Variants in IPO9 observed in about 807,000 individuals in gnomAD.
IPO9 encodes the protein importin 9, also known as importin-9.
Under a neutral mutation model 128.6 loss-of-function variants are expected in IPO9, and 28 were observed. The ratio of observed to expected loss-of-function variants is 0.22; its 90% CI spans 0.16 to 0.30. IPO9 has a LOEUF of 0.30. Ranked by LOEUF, IPO9 falls within the 10% of genes least tolerant of loss-of-function variation. The probability of loss-of-function intolerance (pLI) is 1.00; values close to 1 mark genes in which losing one functional copy is unlikely to be tolerated. For synonymous variants in IPO9, 455 were observed against 475.8 expected (o/e 0.96, Z 0.57); for missense variants, 935 against 1,293.9 (o/e 0.72, Z 4.26).
At chr1:201,841,341 A>T (rs567108858) in intron 1 of IPO9, among the ~76,000 whole-genome samples, 1 of 152,344 alleles carries the variant, frequency 6.6e-6, no homozygotes, top group East Asian at 1.9e-4. Flanking sequence ...TTATATTTTA[A>T]GATTGAAAAA....
intron 1 of IPO9, among the ~76,000 whole-genome samples, chr1:201,843,866 CAGTT>C (rs1321729708): frequency 1.3e-5 from 2 of 150,660 alleles, no homozygotes; most frequent in South Asian, 2.1e-4. Flanking sequence ...TTACTGTAGT[CAGTT>C]AGGAAAGAAT....
chr1:201,836,796 A>C (rs1679950018), intron 1 of IPO9, among the ~76,000 whole-genome samples: 1 of 152,062 alleles, frequency 6.6e-6, no homozygotes. Context: ...TTTGTCTTTG[A>C]ATTTTTGAGG....
intron 1 of IPO9, among the ~76,000 whole-genome samples, chr1:201,842,695 G>T (rs1331931516): frequency 6.6e-6 from 1 of 152,172 alleles, no homozygotes; most frequent in East Asian, 1.9e-4. Flanking sequence ...ATGTCAATAG[G>T]ATGTCCAACT....
chr1:201,829,174 C>CCCGGCCGCGGGGCTGGCGGGCT lies in IPO9; in HGVS notation c.-35_-14dup. 1 of 1,453,908 alleles carries CCCGGCCGCGGGGCTGGCGGGCT rather than the reference C, an allele frequency of 6.9e-7. No homozygotes were observed. The highest frequency in any genetic ancestry group is 1.5e-5 in the African/African-American group (1 of 67,928). The allele number at this position is 1,453,908 out of a possible 1,614,324, so 90.1% of individuals were successfully genotyped here. A position where few individuals can be genotyped will look rare whatever the true frequency, so the allele number is the denominator to read the frequency against. ...CGGGGGCCGTCATTCGGTGGCGGGT[C>CCCGGCCGCGGGGCTGGCGGGCT]CCGGCCGCGGGGCTGGCGGGCTGAG... On this transcript the variant is annotated 5_prime_UTR_variant, in exon 1 of 24. Transcript: ENST00000361565.
At chr1:201,852,046 C>G in intron 4 of IPO9, 58 bp from the exon 5 acceptor site, 1 of 1,109,530 alleles carries the variant, frequency 9.0e-7, no homozygotes, top group East Asian at 2.4e-5. Flanking sequence ...AAATATCACA[C>G]TTAATATCTT....
At position 201,876,188 on chromosome 1, in the gene IPO9, A is replaced by G; in HGVS notation, c.*134A>G. The G allele has an allele frequency of 1.3e-6, 1 of 762,016 alleles. No homozygotes were observed. The highest frequency in any genetic ancestry group is 2.4e-6 in the Non-Finnish European group (1 of 411,126). The allele number at this position is 762,016 out of a possible 1,614,324, so 47.2% of individuals were successfully genotyped here. ...CCCTTGGCCCTTGGCCTCGGCAGTG[A>G]CACTGATGACAATTCAGACCAGGCT... is the stretch of plus-strand genomic sequence containing the variant. On this transcript the variant is annotated 3_prime_UTR_variant, in exon 24 of 24. Transcript: ENST00000361565.
intron 1 of IPO9, among the ~76,000 whole-genome samples, chr1:201,843,226 T>G (rs1413162352): frequency 6.6e-6 from 1 of 152,222 alleles, no homozygotes; most frequent in African/African-American, 2.4e-5. Context: ...GCCCCAATTT[T>G]GCTGGATGGG....
intron 13 of IPO9, among the ~76,000 whole-genome samples, chr1:201,860,820 C>T (rs908584308): frequency 2.0e-5 from 3 of 152,100 alleles, no homozygotes; most frequent in East Asian, 1.9e-4. Flanking sequence ...CTGTCAGAGC[C>T]ATGATATCAC....
rs1454117554 is a variant in IPO9 at position 201,884,235 on chromosome 1, T to C, written c.*8181T>C. ...CTAATCCACAGAACAAGTGTAATAC[T>C]AGTTATCTGTTTCATGGAGTGATTG... On this transcript the variant is annotated 3_prime_UTR_variant, in exon 24 of 24. Transcript: ENST00000361565. 5 of 152,244 alleles carry C rather than the reference T, an allele frequency of 3.3e-5. No homozygotes were observed. The highest frequency in any genetic ancestry group is 2.6e-4 in the Admixed American group (4 of 15,290). 9.4% of individuals were successfully genotyped at this position (152,244 alleles called of 1,614,324 possible).
At chr1:201,852,256 G>A in intron 5 of IPO9, 64 bp downstream of exon 5, 1 of 1,037,262 alleles carries the variant, frequency 9.6e-7, no homozygotes, top group Non-Finnish European at 1.5e-6. Context: ...AGCCTTTCAG[G>A]TGGGAGATTA....
intron 11 of IPO9, among the ~76,000 whole-genome samples, chr1:201,857,399 A>G (rs1399534817): frequency 1.3e-5 from 2 of 152,196 alleles, no homozygotes; most frequent in Non-Finnish European, 2.9e-5. Flanking sequence ...CTTAAAACTA[A>G]ATATTAGATA....
chr1:201,847,588 C>A lies in IPO9; in HGVS notation c.262C>A (p.His88Asn). 1 of 1,614,000 alleles carries A rather than the reference C, an allele frequency of 6.2e-7. No homozygotes were observed. The highest frequency in any genetic ancestry group is 8.5e-7 in the Non-Finnish European group (1 of 1,179,924). The change falls in exon 3 of 24, where the codon CAC (histidine) becomes AAC (asparagine). Residue 88 changes from histidine (H) to asparagine (N), a missense_variant. His to Asn is a moderately conservative substitution (Grantham distance 68). Transcript: ENST00000361565. ...SVILKQYVET[H>N]WCAQSEKFRP... ...CATCTTGAAACAATATGTGGAGACT[C>A]ACTGGTGTGCCCAATCAGAGAAATT...
chr1:201,851,393 T>G (rs1168359725), intron 4 of IPO9, among the ~76,000 whole-genome samples: 1 of 152,074 alleles, frequency 6.6e-6, no homozygotes, highest in Admixed American at 6.6e-5. Flanking sequence ...AAGAGCTTTA[T>G]TCTGCTGCTT....
chr1:201,836,079 TCCAGCCC>T (rs2102868053), intron 1 of IPO9, among the ~76,000 whole-genome samples: 1 of 115,168 alleles, frequency 8.7e-6, no homozygotes, highest in Non-Finnish European at 1.6e-5. Context: ...ACCACTGCAC[TCCAGCCC>T]TCCAGCCTGG....
chr1:201,843,978 T>G (rs1035031251), intron 1 of IPO9, among the ~76,000 whole-genome samples: 1 of 152,062 alleles, frequency 6.6e-6, no homozygotes, highest in African/African-American at 2.4e-5. Flanking sequence ...CAGTACTTCC[T>G]TATAAAAGAA....
chr1:201,870,776 G>A lies in IPO9; in HGVS notation c.2327G>A (p.Arg776Gln), dbSNP rs138351331. ...LVSTLISKAG[R>Q]ELGENLDQIL... Reference sequence around the variant, plus strand: ...TCCACCCTCATCTCCAAGGCAGGGCGGGAACTCGGGGAGAATCTAGACCAG... The same window carrying A: ...TCCACCCTCATCTCCAAGGCAGGGCAGGAACTCGGGGAGAATCTAGACCAG... The change falls in exon 18 of 24, where the codon CGG becomes CAG. Residue 776 changes from arginine to glutamine, a missense_variant. Physicochemically the swap from Arg to Gln is conservative, Grantham distance 43. This residue lies in a region of IPO9 where 741 missense variants were observed against 1,019.1 expected (regional missense o/e 0.73). Transcript: ENST00000361565. The surrounding 1 kb of genome is among the most constrained non-coding windows in gnomAD (Gnocchi z 4.9). 44 of 1,614,156 alleles carry A rather than the reference G, an allele frequency of 2.7e-5. No homozygotes were observed. In the Admixed American group the frequency reaches 3.3e-4, roughly 12 times the overall value.
Position 201,882,687 on chromosome 1 carries a change from G to T in IPO9, c.*6633G>T, listed in dbSNP as rs1449073006. 1.3e-5 allele frequency: 2 copies of T among 152,202 alleles called. No homozygotes were observed. The highest frequency in any genetic ancestry group is 2.9e-5 in the Non-Finnish European group (2 of 68,038). The allele number at this position is 152,202 out of a possible 1,614,324, so 9.4% of individuals were successfully genotyped here. ...AAAAGCAATGAGGAACTACTGGCCT[G>T]ACTAGGAGGCCTAGAAGTCCCTCCC... On this transcript the variant is annotated 3_prime_UTR_variant, in exon 24 of 24. Transcript: ENST00000361565.
intron 19 of IPO9, among the ~76,000 whole-genome samples, chr1:201,872,596 C>G (rs1268307785): frequency 6.7e-6 from 1 of 149,314 alleles, no homozygotes; most frequent in Non-Finnish European, 1.5e-5. Context: ...AGAATGAGAC[C>G]CTATCTCAAA....
chr1:201,871,138 C>T (rs372375363), intron 18 of IPO9, 23 bp from the exon 19 acceptor site: 6 of 1,607,356 alleles, frequency 3.7e-6, no homozygotes, highest in Middle Eastern at 1.7e-4. Flanking sequence ...TTCCCTGAAG[C>T]AAATGTCCTT....
Sources: gnomAD v4.1 joint callset for allele counts (sites outside exome capture counted in the v4.1 genomes callset) on GRCh38, gnomAD v4.1.1 for gene constraint, gnomAD v4.1.1 regional missense constraint, Gnocchi (gnomAD v3.1) non-coding constraint, MANE v1.5 for transcripts, NCBI Gene and HGNC (gene_info 2026-07-23, HGNC 2026-07-21) for gene names.